Variants in ENAH observed in about 807,000 individuals in gnomAD.
ENAH encodes ENAH actin regulator.
ENAH carries 23 observed loss-of-function variants against 78.7 expected under a neutral mutation model. That is an observed-to-expected ratio of 0.29 (90% CI 0.21 to 0.41). The LOEUF is 0.41. ENAH is among the 10% of genes least tolerant of loss of function. The pLI, the probability that ENAH is intolerant of heterozygous loss-of-function variation, is 1.00. For synonymous variants in ENAH, 226 were observed against 241.0 expected (o/e 0.94, Z 0.58); for missense variants, 544 against 691.0 (o/e 0.79, Z 2.39).
chr1:225,647,273 G>T (rs1317036799), intron 1 of ENAH, among the ~76,000 whole-genome samples: 1 of 152,022 alleles, frequency 6.6e-6, no homozygotes, highest in Non-Finnish European at 1.5e-5. Context: ...ACTAAATGGG[G>T]TAAAAATAAA....
chr1:225,557,965 A>G (rs1167094474), intron 2 of ENAH, among the ~76,000 whole-genome samples: 1 of 152,198 alleles, frequency 6.6e-6, no homozygotes, highest in African/African-American at 2.4e-5. Flanking sequence ...GTCCTCCCCA[A>G]CATCTCTTGA....
At position 225,563,495 on chromosome 1, in the gene ENAH, G is replaced by A. The variant is rs537429546; in HGVS notation, c.171+3754C>T. ...AATGTGATGAGAACTGTTATGTATT[G>A]ATTCAAATTTTATCAAATGCTTTTT... On this transcript the variant is annotated intron_variant, in intron 2 of 13. Coordinates refer to ENST00000366843, the MANE Select transcript of ENAH (RefSeq NM_018212.6). Among the ~76,000 whole-genome samples, 4 of 152,272 alleles carry A rather than the reference G, an allele frequency of 2.6e-5. No homozygotes were observed. In the South Asian group the frequency reaches 8.3e-4, roughly 32 times the overall value.
At chr1:225,606,809 C>G (rs953731465) in intron 1 of ENAH, among the ~76,000 whole-genome samples, 1 of 138,624 alleles carries the variant, frequency 7.2e-6, no homozygotes, top group African/African-American at 2.7e-5. Flanking sequence ...CACCACTACA[C>G]TCCATCCTGG....
intron 5 of ENAH, chr1:225,517,629 C>A (rs781635962): frequency 1.3e-6 from 2 of 1,550,186 alleles, no homozygotes; most frequent in African/African-American, 1.4e-5. Context: ...GAGGGAGGGG[C>A]GAAAAATTGG....
chr1:225,603,378 A>C (rs1227240060), intron 1 of ENAH, among the ~76,000 whole-genome samples: 3 of 152,190 alleles, frequency 2.0e-5, no homozygotes, highest in Non-Finnish European at 2.9e-5. Context: ...TAACCCCTGA[A>C]ATAAATTGAA....
At chr1:225,546,124 C>T (rs983981613) in intron 3 of ENAH, among the ~76,000 whole-genome samples, 5 of 151,834 alleles carry the variant, frequency 3.3e-5, no homozygotes, top group African/African-American at 1.2e-4. Flanking sequence ...GACAGGCTCT[C>T]ACTATGTTGC....
intron 6 of ENAH, among the ~76,000 whole-genome samples, chr1:225,516,939 A>G (rs1343125430): frequency 2.0e-5 from 3 of 152,054 alleles, no homozygotes; most frequent in Non-Finnish European, 2.9e-5. Context: ...AAATACTAGA[A>G]AACATCTTTA....
rs2096256654 is a variant in ENAH, at chr1:225,497,781, A to G, written c.1707T>C (p.Thr569=). 6.2e-7 allele frequency: 1 copy of G among 1,612,402 alleles called. No homozygotes were observed. The highest frequency in any genetic ancestry group is 1.1e-5 in the South Asian group (1 of 90,934). Residue 569 remains threonine (T), a synonymous_variant, in exon 14 of 14, where the codon ACT becomes ACC. Coordinates refer to ENST00000366843, the MANE Select transcript of ENAH (RefSeq NM_018212.6). ...AIRQELSKSN[T]A Reference sequence around the variant, plus strand: ...CTCTCCTTAGTCTGTTCCTCTATGCAGTATTTGACTTGCTCAGTTCCTGCC... The same window carrying G: ...CTCTCCTTAGTCTGTTCCTCTATGCGGTATTTGACTTGCTCAGTTCCTGCC...
intron 2 of ENAH, among the ~76,000 whole-genome samples, chr1:225,561,381 T>A (rs2096704681): frequency 6.6e-6 from 1 of 152,054 alleles, no homozygotes; most frequent in African/African-American, 2.4e-5. Flanking sequence ...CCCAGCACTT[T>A]GGGAGGCGGA....
At chr1:225,518,303 A>G (rs1354338573) in intron 5 of ENAH, among the ~76,000 whole-genome samples, 1 of 152,254 alleles carries the variant, frequency 6.6e-6, no homozygotes, top group Non-Finnish European at 1.5e-5. Flanking sequence ...TTAGTCTACA[A>G]GAAAAAGGAC....
chr1:225,507,913 A>G, intron 11 of ENAH, 38 bp downstream of exon 11: 2 of 1,406,144 alleles, frequency 1.4e-6, no homozygotes, highest in Non-Finnish European at 1.9e-6. Context: ...TTTTTTTTAT[A>G]CAAATAAAAT....
intron 1 of ENAH, among the ~76,000 whole-genome samples, chr1:225,636,740 T>C (rs7555097): frequency 0.07 from 10,728 of 152,230 alleles, 1,274 homozygotes; most frequent in African/African-American, 0.24. Context: ...AGTTTAGTTT[T>C]TTAATTTATT....
intron 1 of ENAH, among the ~76,000 whole-genome samples, chr1:225,631,888 G>T (rs2148361525): frequency 1.3e-5 from 2 of 152,054 alleles, no homozygotes; most frequent in Middle Eastern, 3.4e-3. Flanking sequence ...GATCCCTTCA[G>T]TTTATTTTCT....
intron 4 of ENAH, among the ~76,000 whole-genome samples, chr1:225,522,084 C>T (rs750385534): frequency 4.6e-5 from 7 of 152,116 alleles, no homozygotes; most frequent in East Asian, 1.9e-4. Flanking sequence ...TGTGAGCCAC[C>T]GCGCCCGGCC....
intron 1 of ENAH, among the ~76,000 whole-genome samples, chr1:225,620,369 T>C (rs1212034966): frequency 2.0e-5 from 3 of 151,498 alleles, no homozygotes; most frequent in Non-Finnish European, 4.4e-5. Flanking sequence ...CTACCAAAAA[T>C]ACAAAAATTA....
intron 1 of ENAH, among the ~76,000 whole-genome samples, chr1:225,593,412 G>C (rs1380233969): frequency 8.5e-6 from 1 of 118,342 alleles, no homozygotes; most frequent in African/African-American, 3.1e-5. Context: ...GGGGGGGGGG[G>C]GGGGGTGGGG....
At chr1:225,606,967 G>C (rs989067831) in intron 1 of ENAH, among the ~76,000 whole-genome samples, 1 of 151,562 alleles carries the variant, frequency 6.6e-6, no homozygotes, top group Non-Finnish European at 1.5e-5. Context: ...TAATGCAGCT[G>C]AGAGTGCCAG....
chr1:225,652,625 C>T, intron 1 of ENAH, 61 bp downstream of exon 1: 1 of 1,257,334 alleles, frequency 8.0e-7, no homozygotes, highest in South Asian at 2.8e-5. Context: ...CCGAGGAGAA[C>T]GGGGGTCGCG....
At chr1:225,595,531 A>G (rs913342605) in intron 1 of ENAH, among the ~76,000 whole-genome samples, 3 of 152,124 alleles carry the variant, frequency 2.0e-5, no homozygotes, top group African/African-American at 7.2e-5. Flanking sequence ...TAGGTGCCTA[A>G]AACAAGGGCA....
Sources: allele counts gnomAD v4.1 joint callset (sites outside exome capture counted in the v4.1 genomes callset), GRCh38; gene constraint gnomAD v4.1.1; transcripts MANE v1.5; gene names NCBI Gene and HGNC (gene_info 2026-07-23, HGNC 2026-07-21).